CFAP54: variants seen among roughly 807,000 people sequenced by gnomAD.
CFAP54 encodes the protein cilia and flagella associated protein 54.
In CFAP54, 290 loss-of-function variants were observed where a neutral mutation model predicts 370.4. The ratio of observed to expected loss-of-function variants is 0.78; its 90% CI spans 0.71 to 0.86. The LOEUF (loss-of-function observed/expected upper bound fraction) is 0.86, where lower values mean the gene tolerates loss of function less well. CFAP54 is among the 40% of genes least tolerant of loss of function. The pLI is 0.00. For synonymous variants in CFAP54, 1,206 were observed against 1,236.5 expected, an observed-to-expected ratio of 0.98 and a Z score of 0.52; for missense variants, 3,399 against 3,528.7, an observed-to-expected ratio of 0.96 and a Z score of 0.93.
At chr12:96,638,834 T>C (rs1956691958) in intron 32 of CFAP54, among the ~76,000 whole-genome samples, 1 of 152,216 alleles carries the variant, frequency 6.6e-6, no homozygotes, top group Non-Finnish European at 1.5e-5. Context: ...ACAAAAATGA[T>C]GTTAGTGGGC....
intron 26 of CFAP54, among the ~76,000 whole-genome samples, chr12:96,600,108 C>A (rs559224254): frequency 1.3e-5 from 2 of 152,070 alleles, no homozygotes; most frequent in African/African-American, 4.8e-5. Context: ...TGCCAGTTTT[C>A]TTCTAGGGTT....
chr12:96,836,979 C>T (rs1959188106), intron 66 of CFAP54, among the ~76,000 whole-genome samples: 1 of 152,112 alleles, frequency 6.6e-6, no homozygotes, highest in African/African-American at 2.4e-5. Flanking sequence ...AGGCACATGC[C>T]ACCATGCCCA....
At chr12:96,630,055 T>G in intron 30 of CFAP54, 38 bp from the exon 31 acceptor site, 1 of 1,070,022 alleles carries the variant, frequency 9.3e-7, no homozygotes, top group South Asian at 1.6e-5. Context: ...CTGCAAATTT[T>G]TGCAGGTCTT....
At chr12:96,607,882 A>G (rs986951062) in intron 26 of CFAP54, among the ~76,000 whole-genome samples, 1 of 152,194 alleles carries the variant, frequency 6.6e-6, no homozygotes, top group Non-Finnish European at 1.5e-5. Flanking sequence ...CCGAGGTCCA[A>G]AAATTAATAT....
intron 50 of CFAP54, among the ~76,000 whole-genome samples, chr12:96,722,531 AAGG>A (rs1226515623): frequency 1.3e-5 from 2 of 152,310 alleles, no homozygotes; most frequent in East Asian, 3.9e-4. Context: ...ACTGGTGGAC[AAGG>A]AGATTACATA....
At position 96,554,815 on chromosome 12, in the gene CFAP54, A is replaced by G. The variant is rs775468774; in HGVS notation, c.2410+13A>G. ...GACAAATTGCAAGGTAGTAGTCACT[A>G]AAGCAAGTAACCATTCTGAATCAAT... On this transcript the variant is annotated intron_variant, in intron 17 of 67. Transcript: ENST00000524981. The G allele has an allele frequency of 4.6e-6, 7 of 1,523,524 alleles. No homozygotes were observed. The highest frequency in any genetic ancestry group is 5.3e-6 in the Non-Finnish European group (6 of 1,138,958). The allele number at this position is 1,523,524 out of a possible 1,614,324, so 94.4% of individuals were successfully genotyped here.
At chr12:96,668,696 G>C (rs1957108780) in intron 39 of CFAP54, among the ~76,000 whole-genome samples, 1 of 152,184 alleles carries the variant, frequency 6.6e-6, no homozygotes, top group African/African-American at 2.4e-5. Context: ...CATGCAGCTT[G>C]TAGGAATGAT....
At chr12:96,687,441 A>G (rs1592708993) in intron 42 of CFAP54, among the ~76,000 whole-genome samples, 1 of 152,326 alleles carries the variant, frequency 6.6e-6, no homozygotes, top group East Asian at 1.9e-4. Context: ...TTAACATGAG[A>G]AATTTGAAAA....
chr12:96,519,569 C>T (rs1343128493), intron 6 of CFAP54, among the ~76,000 whole-genome samples: 2 of 152,116 alleles, frequency 1.3e-5, no homozygotes, highest in Non-Finnish European at 2.9e-5. Flanking sequence ...CCTTTCTGCT[C>T]TCTCCTTTAT....
intron 46 of CFAP54, among the ~76,000 whole-genome samples, chr12:96,702,554 T>G (rs1957503290): frequency 2.5e-5 from 1 of 40,162 alleles, no homozygotes; most frequent in Admixed American, 2.7e-4. Flanking sequence ...CTGCCTTCAC[T>G]GAAATAAATA....
intron 59 of CFAP54, among the ~76,000 whole-genome samples, 154 bp downstream of exon 59, chr12:96,764,403 A>G (rs1246742692): frequency 6.6e-6 from 1 of 152,184 alleles, no homozygotes; most frequent in Middle Eastern, 3.2e-3. Context: ...CAGGAGGATC[A>G]CTTGAATCCA....
At chr12:96,685,485 T>C (rs966504540) in intron 42 of CFAP54, among the ~76,000 whole-genome samples, 2 of 152,186 alleles carry the variant, frequency 1.3e-5, no homozygotes, top group Non-Finnish European at 2.9e-5. Context: ...TTTGCTTTGC[T>C]TACTCATGGA....
rs773351861 is a variant in CFAP54 at position 96,753,723 on chromosome 12, C to T, written c.7685-20C>T. On this transcript the variant is annotated intron_variant, in intron 55 of 67. Coordinates refer to ENST00000524981, the MANE Select transcript of CFAP54 (RefSeq NM_001306084.2). ...CCGTGTATTTTTTTGTTCTTCCCCA[C>T]CGAACTGTTTTTCTTTTAGGACATA... The T allele has an allele frequency of 3.1e-6, 5 of 1,608,338 alleles. No homozygotes were observed. The South Asian group carries it at 5.5e-5, about 18-fold the overall frequency.
intron 39 of CFAP54, among the ~76,000 whole-genome samples, chr12:96,674,163 G>A (rs1342209148): frequency 6.6e-6 from 1 of 152,114 alleles, no homozygotes; most frequent in Non-Finnish European, 1.5e-5. Context: ...CCTTTGGCAG[G>A]TGTGTTTGAT....
At chr12:96,515,912 G>GTTTTTTTTT (rs71437221) in intron 5 of CFAP54, among the ~76,000 whole-genome samples, 16 of 108,258 alleles carry the variant, frequency 1.5e-4, no homozygotes, top group African/African-American at 4.9e-4. Context: ...TTACCTCTAT[G>GTTTTTTTTT]TTTTTTTTTT....
At chr12:96,810,444 G>C (rs1450904432) in intron 63 of CFAP54, among the ~76,000 whole-genome samples, 1 of 152,110 alleles carries the variant, frequency 6.6e-6, no homozygotes, top group African/African-American at 2.4e-5. Context: ...GGGGTGAAGA[G>C]AGTTTTTTCC....
intron 26 of CFAP54, among the ~76,000 whole-genome samples, chr12:96,619,698 C>T (rs2136463887): frequency 6.6e-6 from 1 of 152,164 alleles, no homozygotes; most frequent in East Asian, 1.9e-4. Context: ...AAAAGATTGC[C>T]CAGTTATCTG....
intron 63 of CFAP54, 101 bp downstream of exon 63, chr12:96,792,600 T>C (rs1461208567): frequency 1.2e-6 from 1 of 833,248 alleles, no homozygotes. Flanking sequence ...ATCATATAGA[T>C]GAGAACAGGT....
At chr12:96,626,387 A>T (rs1270366661) in intron 29 of CFAP54, among the ~76,000 whole-genome samples, 4 of 151,912 alleles carry the variant, frequency 2.6e-5, no homozygotes, top group Non-Finnish European at 4.4e-5. Context: ...CTCTGTCTCA[A>T]AAAACAAAAA....
Sources: allele counts gnomAD v4.1 joint callset (sites outside exome capture counted in the v4.1 genomes callset), GRCh38; gene constraint gnomAD v4.1.1; transcripts MANE v1.5; gene names NCBI Gene and HGNC (gene_info 2026-07-23, HGNC 2026-07-21).